The following GPATCH2 variants were observed in gnomAD, a reference collection of about 807,000 sequenced individuals.
GPATCH2 encodes G patch domain-containing protein 2.
A neutral mutation model predicts 58.0 loss-of-function variants in GPATCH2; 51 were observed. The observed-to-expected ratio is 0.88, with a 90% CI of 0.70 to 1.11. GPATCH2 has a LOEUF of 1.11. Among genes scored for constraint, GPATCH2 ranks in the 50% most tolerant of loss-of-function variants. The probability of loss-of-function intolerance (pLI) is 0.00; values close to 1 mark genes in which losing one functional copy is unlikely to be tolerated. For synonymous variants in GPATCH2, 222 were observed against 218.5 expected (o/e 1.02, Z -0.14); for missense variants, 625 against 652.2 (o/e 0.96, Z 0.45).
At chr1:217,621,372 C>T (rs369147106) in intron 1 of GPATCH2, among the ~76,000 whole-genome samples, 15 of 152,244 alleles carry the variant, frequency 9.9e-5, no homozygotes, top group African/African-American at 2.6e-4. Flanking sequence ...TTGCACCCGT[C>T]TTATGAAGAC....
intron 5 of GPATCH2, among the ~76,000 whole-genome samples, chr1:217,584,656 G>C (rs1490741421): frequency 6.6e-6 from 1 of 151,920 alleles, no homozygotes; most frequent in Non-Finnish European, 1.5e-5. Context: ...TCAGAGGCAT[G>C]GAAGCAACCA....
At chr1:217,574,401 C>G (rs563783167) in intron 5 of GPATCH2, among the ~76,000 whole-genome samples, 1 of 152,234 alleles carries the variant, frequency 6.6e-6, no homozygotes, top group African/African-American at 2.4e-5. Context: ...GACTAGGAAT[C>G]TCCTAGAGCT....
chr1:217,586,586 CG>C (rs1381700489), intron 5 of GPATCH2, among the ~76,000 whole-genome samples: 4 of 152,082 alleles, frequency 2.6e-5, no homozygotes, highest in African/African-American at 9.7e-5. Context: ...GGCTGTTTTA[CG>C]GTTACATTTT....
In GPATCH2 at chr1:217,537,311, A is replaced by G. The variant is rs146067219; in HGVS notation, c.1099-22422T>C. On this transcript the variant is annotated intron_variant, in intron 5 of 9. Coordinates refer to ENST00000366935, the MANE Select transcript of GPATCH2 (RefSeq NM_018040.5). ...TCCCTTGACAATACAGTCTGTTTCA[A>G]TTAATAAACTTCGTATCTGGGCTAC... is the stretch of plus-strand genomic sequence containing the variant. 1.1e-4 allele frequency among the ~76,000 whole-genome samples: 16 copies of G among 152,294 alleles called. No homozygotes were observed. In the East Asian group the frequency reaches 2.1e-3, roughly 20 times the overall value.
chr1:217,614,439 G>A (rs138360490), intron 2 of GPATCH2, among the ~76,000 whole-genome samples: 52 of 152,088 alleles, frequency 3.4e-4, no homozygotes, highest in African/African-American at 1.2e-3. Context: ...CAGTAAGCCA[G>A]ATGTGACTGC....
At chr1:217,591,473 T>G (rs1032205634) in intron 5 of GPATCH2, among the ~76,000 whole-genome samples, 3 of 152,110 alleles carry the variant, frequency 2.0e-5, no homozygotes, top group African/African-American at 7.2e-5. Flanking sequence ...GCAAGACAGA[T>G]GAAGGAGACA....
intron 5 of GPATCH2, among the ~76,000 whole-genome samples, chr1:217,576,751 A>G (rs1225539286): frequency 6.6e-6 from 1 of 152,202 alleles, no homozygotes; most frequent in Non-Finnish European, 1.5e-5. Context: ...TTGGAATTCT[A>G]TTAGTATTAC....
intron 5 of GPATCH2, among the ~76,000 whole-genome samples, chr1:217,574,090 A>G (rs17666338): frequency 0.018 from 2,801 of 152,340 alleles, 41 homozygotes; most frequent in Middle Eastern, 0.088. Flanking sequence ...GAATATTAAG[A>G]TAAATAACGA....
At chr1:217,499,781 G>A (rs143871773) in intron 6 of GPATCH2, among the ~76,000 whole-genome samples, 13 of 147,676 alleles carry the variant, frequency 8.8e-5, no homozygotes, top group African/African-American at 2.5e-4. Flanking sequence ...AAACGCATTC[G>A]CACAGTTTAA....
At chr1:217,468,957 A>G (rs1660599642) in intron 8 of GPATCH2, among the ~76,000 whole-genome samples, 1 of 152,156 alleles carries the variant, frequency 6.6e-6, no homozygotes, top group Non-Finnish European at 1.5e-5. Flanking sequence ...TGACAATGTA[A>G]GTGAAAAAGC....
intron 9 of GPATCH2, among the ~76,000 whole-genome samples, chr1:217,445,989 T>C (rs942810689): frequency 2.0e-4 from 31 of 152,134 alleles, no homozygotes; most frequent in African/African-American, 7.0e-4. Flanking sequence ...TAAATTGTTA[T>C]ACAAATGCAG....
chr1:217,620,816 A>C (rs927813895), intron 1 of GPATCH2, among the ~76,000 whole-genome samples: 3 of 152,032 alleles, frequency 2.0e-5, no homozygotes, highest in Non-Finnish European at 2.9e-5. Flanking sequence ...CCGCTGGCCC[A>C]CTCCTACCCC....
rs116563926 is a variant in GPATCH2, at chr1:217,582,379, A to T, written c.1098+27942T>A. 6.4e-3 allele frequency among the ~76,000 whole-genome samples: 974 copies of T among 152,308 alleles called. 10 individuals carry two copies. Among genetic ancestry groups the T allele is most frequent in the African/African-American group, 0.022 (897 of 41,562 alleles). On this transcript the variant is annotated intron_variant, in intron 5 of 9. Transcript: ENST00000366935. The stretch of plus-strand genomic sequence containing the variant: ...CAGGTATTTTCATAAAAATTACCTT[A>T]AAGTCATCATAACAGCATGTCACTG...
At chr1:217,583,424 G>T (rs1389371956) in intron 5 of GPATCH2, among the ~76,000 whole-genome samples, 3 of 151,724 alleles carry the variant, frequency 2.0e-5, no homozygotes, top group African/African-American at 7.3e-5. Flanking sequence ...ACAAAAATTA[G>T]CCGGGTGGTG....
At chr1:217,508,312 T>C (rs1299053567) in intron 6 of GPATCH2, among the ~76,000 whole-genome samples, 1 of 152,164 alleles carries the variant, frequency 6.6e-6, no homozygotes, top group Non-Finnish European at 1.5e-5. Flanking sequence ...AATCTTGCTT[T>C]AAGCAAACTC....
chr1:217,615,700 C>T (rs1226073569), intron 2 of GPATCH2, among the ~76,000 whole-genome samples: 3 of 152,002 alleles, frequency 2.0e-5, no homozygotes, highest in African/African-American at 7.2e-5. Flanking sequence ...TCTAAAATGC[C>T]TCGGAGGAGT....
At chr1:217,625,642 CAA>C (rs912750131) in intron 1 of GPATCH2, among the ~76,000 whole-genome samples, 3 of 152,054 alleles carry the variant, frequency 2.0e-5, no homozygotes, top group Non-Finnish European at 4.4e-5. Context: ...AACTGTGTAA[CAA>C]GAGGATATGC....
chr1:217,547,723 A>G (rs1479078345), intron 5 of GPATCH2, among the ~76,000 whole-genome samples: 1 of 152,230 alleles, frequency 6.6e-6, no homozygotes, highest in South Asian at 2.1e-4. Context: ...TTACAGGGAC[A>G]TTGGTGGAGC....
At chr1:217,446,445 T>C (rs1011759901) in intron 9 of GPATCH2, among the ~76,000 whole-genome samples, 1 of 152,110 alleles carries the variant, frequency 6.6e-6, no homozygotes, top group African/African-American at 2.4e-5. Flanking sequence ...TGCAAAACCA[T>C]TTCTTACTTG....
Sources: allele counts gnomAD v4.1 joint callset (sites outside exome capture counted in the v4.1 genomes callset), GRCh38; gene constraint gnomAD v4.1.1; transcripts MANE v1.5; gene names NCBI Gene and HGNC (gene_info 2026-07-23, HGNC 2026-07-21).